The following ZNF469 variants were observed in gnomAD, a reference collection of about 807,000 sequenced individuals.
The protein encoded by ZNF469 is zinc finger protein 469.
A neutral mutation model predicts 1.0 loss-of-function variants in ZNF469; 1 was observed. The ratio of observed to expected loss-of-function variants is 1.00; its 90% CI spans 0.35 to 4.73. The LOEUF is 4.73. ZNF469 is among the 30% of genes most tolerant of loss of function. The pLI is 0.16. For synonymous variants in ZNF469, 2,703 were observed against 2,363.4 expected (o/e 1.14, Z -4.17); for missense variants, 6,100 against 5,356.3 (o/e 1.14, Z -4.33).
the ZNF469 span, among the ~76,000 whole-genome samples, chr16:88,188,508 G>T: frequency 1.3e-5 from 2 of 152,274 alleles, no homozygotes; most frequent in Admixed American, 1.3e-4. Flanking sequence ...TCCTGGATGG[G>T]CTGTTGCCAT....
At chr16:88,147,886 C>T in the ZNF469 span, among the ~76,000 whole-genome samples, 2 of 152,236 alleles carry the variant, frequency 1.3e-5, no homozygotes, top group East Asian at 3.9e-4. Flanking sequence ...GGAAGGGACC[C>T]CTGAGTGTTG....
the ZNF469 span, among the ~76,000 whole-genome samples, chr16:88,246,061 C>G: frequency 6.6e-6 from 1 of 152,282 alleles, no homozygotes; most frequent in Non-Finnish European, 1.5e-5. Context: ...GCTCAAAGGG[C>G]TTCCCTCATG....
At chr16:88,101,458 C>T in the ZNF469 span, among the ~76,000 whole-genome samples, 10 of 151,974 alleles carry the variant, frequency 6.6e-5, no homozygotes, top group East Asian at 9.7e-4. Context: ...TCCAGGTGAC[C>T]GGCTTATCTC....
chr16:88,380,047 TCA>T (rs959394164), upstream of ZNF469, among the ~76,000 whole-genome samples: 19 of 151,998 alleles, frequency 1.3e-4, no homozygotes, highest in African/African-American at 3.1e-4. Flanking sequence ...ACACATGCAG[TCA>T]CACACACACA....
the ZNF469 span, among the ~76,000 whole-genome samples, chr16:88,317,412 C>T: frequency 5.9e-5 from 9 of 152,186 alleles, no homozygotes; most frequent in African/African-American, 2.2e-4. Context: ...TGCACGCTGG[C>T]CAGGGGCAGG....
the ZNF469 span, among the ~76,000 whole-genome samples, chr16:88,282,718 CA>C: frequency 6.6e-6 from 1 of 152,198 alleles, no homozygotes; most frequent in Non-Finnish European, 1.5e-5. Flanking sequence ...GCCTCACTGT[CA>C]ATTGTCAGCA....
At chr16:88,427,263 G>T (rs545334825) in intron 2 of ZNF469, among the ~76,000 whole-genome samples, 82 bp from the exon 3 acceptor site, 31 of 152,238 alleles carry the variant, frequency 2.0e-4, no homozygotes, top group African/African-American at 6.5e-4. Flanking sequence ...GGCCACACCC[G>T]CATGGAGAGC....
chr16:88,210,289 T>G, the ZNF469 span, among the ~76,000 whole-genome samples: 1 of 152,032 alleles, frequency 6.6e-6, no homozygotes, highest in Non-Finnish European at 1.5e-5. Flanking sequence ...ATTAGAACTA[T>G]TTCCCCTATA....
chr16:88,316,047 C>A, the ZNF469 span, among the ~76,000 whole-genome samples: 1 of 152,354 alleles, frequency 6.6e-6, no homozygotes, highest in South Asian at 2.1e-4. Context: ...CTGGACCACG[C>A]GTCACCAGGG....
At chr16:88,231,374 G>C in the ZNF469 span, among the ~76,000 whole-genome samples, 26 of 152,242 alleles carry the variant, frequency 1.7e-4, no homozygotes, top group African/African-American at 6.3e-4. This position sits in a 1 kb window ranked among gnomAD's most constrained non-coding sequence, Gnocchi z 4.5. Flanking sequence ...CCTGAAGGCT[G>C]GGGTGGGACT....
rs1312913764 is a variant in ZNF469, at chr16:88,438,263, G to A, written c.10793G>A (p.Gly3598Glu). The A allele has an allele frequency of 6.5e-7, 1 of 1,548,320 alleles. No individual in the cohort carries two copies. The highest frequency in any genetic ancestry group is 2.4e-5 in the East Asian group (1 of 40,826). The change falls in exon 3 of 3, where the codon GGG becomes GAG. Residue 3598 changes from glycine (G) to glutamate (E), a missense_variant. Coordinates refer to ENST00000565624, the MANE Select transcript of ZNF469 (RefSeq NM_001367624.2). ...GPLLQQALPL[G>E]ASLPRPGARG... Reference sequence around the variant, plus strand: ...CTTCTCCAGCAAGCTCTCCCTCTGGGGGCATCTCTGCCGCGGCCGGGAGCC... The same window carrying A: ...CTTCTCCAGCAAGCTCTCCCTCTGGAGGCATCTCTGCCGCGGCCGGGAGCC...
At chr16:88,343,260 T>C in the ZNF469 span, among the ~76,000 whole-genome samples, 1 of 152,054 alleles carries the variant, frequency 6.6e-6, no homozygotes, top group African/African-American at 2.4e-5. Context: ...AAAGTAAACA[T>C]GGTATGGGGT....
the ZNF469 span, among the ~76,000 whole-genome samples, chr16:88,215,520 G>A: frequency 6.7e-5 from 10 of 149,946 alleles, no homozygotes; most frequent in South Asian, 8.4e-4. Flanking sequence ...CTCCCAAGTA[G>A]CTGGGATTAC....
the ZNF469 span, among the ~76,000 whole-genome samples, chr16:88,171,271 G>T: frequency 6.6e-6 from 1 of 152,236 alleles, no homozygotes; most frequent in Non-Finnish European, 1.5e-5. Flanking sequence ...ACCCCAGGTA[G>T]TGGTGGCCCA....
At chr16:88,414,010 C>T (rs917559553) in intron 1 of ZNF469, among the ~76,000 whole-genome samples, 14 of 151,916 alleles carry the variant, frequency 9.2e-5, no homozygotes, top group Admixed American at 1.3e-4. Flanking sequence ...CAAGACCATG[C>T]GGTGGAGCCG....
At chr16:88,154,745 C>T in the ZNF469 span, among the ~76,000 whole-genome samples, 42 of 152,226 alleles carry the variant, frequency 2.8e-4, no homozygotes, top group Admixed American at 3.9e-4. Context: ...CCTAGAGCAG[C>T]ATCTGCCACA....
chr16:88,303,347 C>T, the ZNF469 span, among the ~76,000 whole-genome samples: 8 of 152,232 alleles, frequency 5.3e-5, no homozygotes, highest in Non-Finnish European at 7.3e-5. Flanking sequence ...GACGTGGACA[C>T]GTGTGATTTC....
chr16:88,186,780 C>G, the ZNF469 span, among the ~76,000 whole-genome samples: 466 of 152,352 alleles, frequency 3.1e-3, 4 homozygotes, highest in African/African-American at 0.011. Context: ...AAACACGGCT[C>G]TCGCTGGGAG....
chr16:88,361,061 C>T, the ZNF469 span, among the ~76,000 whole-genome samples: 1 of 152,162 alleles, frequency 6.6e-6, no homozygotes, highest in Admixed American at 6.5e-5. Context: ...AGCTTGTTTT[C>T]CTGCAGCTAG....
Sources: gnomAD v4.1 joint callset for allele counts (sites outside exome capture counted in the v4.1 genomes callset) on GRCh38, gnomAD v4.1.1 for gene constraint, Gnocchi (gnomAD v3.1) non-coding constraint, MANE v1.5 for transcripts, NCBI Gene and HGNC (gene_info 2026-07-23, HGNC 2026-07-21) for gene names.